The following SRRM4 variants were observed in gnomAD, a reference collection of about 807,000 sequenced individuals.
SRRM4 encodes serine/arginine repetitive matrix protein 4.
Under a neutral mutation model 68.9 loss-of-function variants are expected in SRRM4, and 33 were observed. That is an observed-to-expected ratio of 0.48 (90% CI 0.36 to 0.64). The LOEUF is 0.64. Among genes scored for constraint, SRRM4 ranks in the 30% least tolerant of loss-of-function variants. The pLI, the probability that SRRM4 is intolerant of heterozygous loss-of-function variation, is 0.00. For synonymous variants in SRRM4, 318 were observed against 318.8 expected (o/e 1.00, Z 0.03); for missense variants, 817 against 827.1 (o/e 0.99, Z 0.15).
chr12:119,070,499 C>G (rs746360791), intron 1 of SRRM4, among the ~76,000 whole-genome samples: 4 of 152,020 alleles, frequency 2.6e-5, no homozygotes, highest in African/African-American at 4.8e-5. Flanking sequence ...AGGTTGAGTG[C>G]CCAGATCTCC....
intron 1 of SRRM4, among the ~76,000 whole-genome samples, chr12:118,987,103 C>A (rs1231375881): frequency 3.3e-5 from 5 of 152,074 alleles, no homozygotes; most frequent in African/African-American, 1.2e-4. Flanking sequence ...TCAAATCTAT[C>A]CAGGCTCAAA....
chr12:119,041,108 T>C (rs1313186618), intron 1 of SRRM4, among the ~76,000 whole-genome samples: 1 of 152,166 alleles, frequency 6.6e-6, no homozygotes, highest in Non-Finnish European at 1.5e-5. Flanking sequence ...TTCTTACATA[T>C]ATAAGCTTAT....
chr12:119,154,122 G>A lies in SRRM4; in HGVS notation c.1392-121G>A. 1.1e-6 allele frequency: 1 copy of A among 923,288 alleles called. No individual in the cohort carries two copies. Among genetic ancestry groups the A allele is most frequent in the Non-Finnish European group, 1.7e-6 (1 of 602,298 alleles). The allele number at this position is 923,288 out of a possible 1,614,324, so 57.2% of individuals were successfully genotyped here. A position where few individuals can be genotyped will look rare whatever the true frequency, so the allele number is the denominator to read the frequency against. On this transcript the variant is annotated intron_variant, in intron 11 of 12. Coordinates refer to ENST00000267260, the MANE Select transcript of SRRM4 (RefSeq NM_194286.4). This position sits in a 1 kb window ranked among gnomAD's most constrained non-coding sequence, Gnocchi z 4.7. ...TCCCTCCGGTCTCCCTTGCGGCAACGTGCAGACCCCATCCCGTGACCCAGT... is the reference window on the plus strand; with the variant it reads ...TCCCTCCGGTCTCCCTTGCGGCAACATGCAGACCCCATCCCGTGACCCAGT...
intron 12 of SRRM4, among the ~76,000 whole-genome samples, chr12:119,155,667 G>A (rs1954467275): frequency 6.6e-6 from 1 of 152,188 alleles, no homozygotes; most frequent in Non-Finnish European, 1.5e-5. Flanking sequence ...CTGGAGTGGG[G>A]TGGAGGTTGC....
At chr12:118,982,569 A>G (rs1319582827) in intron 1 of SRRM4, among the ~76,000 whole-genome samples, 1 of 151,902 alleles carries the variant, frequency 6.6e-6, no homozygotes, top group African/African-American at 2.4e-5. Flanking sequence ...GCTGCTGCTG[A>G]ATTCTCTCCT....
At chr12:119,139,980 C>G (rs1461264928) in intron 8 of SRRM4, among the ~76,000 whole-genome samples, 1 of 152,126 alleles carries the variant, frequency 6.6e-6, no homozygotes, top group Non-Finnish European at 1.5e-5. Context: ...AGGATCAAAT[C>G]AGGGTAATTG....
intron 1 of SRRM4, among the ~76,000 whole-genome samples, chr12:118,984,315 G>A (rs1412079296): frequency 6.6e-6 from 1 of 152,200 alleles, no homozygotes; most frequent in Non-Finnish European, 1.5e-5. Flanking sequence ...GAGTTCTCAA[G>A]AGGAAAGAAG....
chr12:119,075,955 G>A (rs1259411937), intron 1 of SRRM4, among the ~76,000 whole-genome samples: 1 of 150,238 alleles, frequency 6.7e-6, no homozygotes, highest in Non-Finnish European at 1.5e-5. Context: ...TGGTGGTAAT[G>A]ATGATGGTGG....
intron 1 of SRRM4, among the ~76,000 whole-genome samples, chr12:118,983,543 T>C (rs1357020660): frequency 6.6e-6 from 1 of 152,342 alleles, no homozygotes; most frequent in African/African-American, 2.4e-5. Flanking sequence ...CTTTGGAACG[T>C]ACCTACTGTT....
Position 119,152,425 on chromosome 12 carries a change from G to A in SRRM4, c.1281-1114G>A, listed in dbSNP as rs74698826. Among the ~76,000 whole-genome samples, 1,444 of 152,296 alleles carry A rather than the reference G, an allele frequency of 9.5e-3. 26 individuals carry two copies. Among genetic ancestry groups the A allele is most frequent in the African/African-American group, 0.033 (1,365 of 41,540 alleles). On this transcript the variant is annotated intron_variant, in intron 10 of 12. Transcript: ENST00000267260. The stretch of plus-strand genomic sequence containing the variant: ...TACCATTCTGTAAAGTTGCTATGGA[G>A]GTAAGCTGCAAATATGACGTCTGAG...
chr12:119,125,440 C>G lies in SRRM4; in HGVS notation c.575C>G (p.Ser192Cys). 1.2e-6 allele frequency: 2 copies of G among 1,613,502 alleles called. No individual in the cohort carries two copies. The highest frequency in any genetic ancestry group is 1.7e-6 in the Non-Finnish European group (2 of 1,179,740). Residue 192 changes from serine to cysteine, a missense_variant, in exon 7 of 13, where the codon TCC becomes TGC. Transcript: ENST00000267260. ...CGCCATCACCGCTGCCCCTCGCGGT[C>G]CCAGAGCTCGGAGTCCCGCCCCTCA... ...RHRHHRCPSR[S>C]QSSESRPSSC... is the part of the protein sequence containing the mutation.
intron 1 of SRRM4, among the ~76,000 whole-genome samples, chr12:118,989,456 C>T (rs181701915): frequency 1.4e-4 from 22 of 152,174 alleles, no homozygotes; most frequent in Non-Finnish European, 1.9e-4. Context: ...CACCCAGTAG[C>T]CCCCTCCACT....
intron 1 of SRRM4, among the ~76,000 whole-genome samples, chr12:119,046,476 G>T (rs188516220): frequency 6.6e-6 from 1 of 152,162 alleles, no homozygotes; most frequent in Non-Finnish European, 1.5e-5. Context: ...TGGATTAAAT[G>T]AGACAACCTG....
chr12:119,127,734 A>AG (rs1954270500), intron 7 of SRRM4, among the ~76,000 whole-genome samples: 2 of 125,636 alleles, frequency 1.6e-5, no homozygotes, highest in Admixed American at 8.3e-5. Flanking sequence ...GTCTCAAAAA[A>AG]AAAAAAGAAA....
chr12:119,140,614 A>G (rs1031581986), intron 8 of SRRM4, among the ~76,000 whole-genome samples: 1 of 152,238 alleles, frequency 6.6e-6, no homozygotes. Context: ...CATGCAAATG[A>G]CTGAACTCAG....
chr12:119,055,953 C>T (rs555925550), intron 1 of SRRM4, among the ~76,000 whole-genome samples: 15 of 152,350 alleles, frequency 9.8e-5, no homozygotes, highest in East Asian at 1.9e-4. Context: ...AACAATAGAA[C>T]GAAATCTCTT....
chr12:118,987,931 G>A (rs1953292793), intron 1 of SRRM4, among the ~76,000 whole-genome samples: 1 of 152,108 alleles, frequency 6.6e-6, no homozygotes, highest in Non-Finnish European at 1.5e-5. Flanking sequence ...GTACATATTT[G>A]GGGGATACAT....
At chr12:119,114,214 C>A in intron 2 of SRRM4, 64 bp from the exon 3 acceptor site, 2 of 1,449,328 alleles carry the variant, frequency 1.4e-6, no homozygotes, top group Non-Finnish European at 9.6e-7. Flanking sequence ...CTGGCTGCAC[C>A]AGCTCTGGTT....
chr12:118,982,134 C>T (rs930056138), intron 1 of SRRM4, 121 bp downstream of exon 1: 6 of 1,245,926 alleles, frequency 4.8e-6, no homozygotes, highest in African/African-American at 4.6e-5. Flanking sequence ...CCCGTCACTA[C>T]TCGGCGGCTC....
Sources: allele counts gnomAD v4.1 joint callset (sites outside exome capture counted in the v4.1 genomes callset), GRCh38; gene constraint gnomAD v4.1.1; non-coding constraint Gnocchi (gnomAD v3.1); transcripts MANE v1.5; gene names NCBI Gene and HGNC (gene_info 2026-07-23, HGNC 2026-07-21).